The following PCDHGA1 variants were observed in gnomAD, a reference collection of about 807,000 sequenced individuals.
The protein encoded by PCDHGA1 is protocadherin gamma-A1.
A neutral mutation model predicts 58.0 loss-of-function variants in PCDHGA1; 32 were observed. The observed-to-expected ratio is 0.55, with a 90% CI of 0.42 to 0.74. PCDHGA1 has a LOEUF of 0.74. Ranked by LOEUF, PCDHGA1 falls within the 30% of genes least tolerant of loss-of-function variation. PCDHGA1 has a pLI of 0.00. For missense variants in PCDHGA1, 1,205 were observed against 1,182.3 expected (o/e 1.02, Z -0.28); for synonymous variants, 498 against 501.1 (o/e 0.99, Z 0.08).
intron 1 of PCDHGA1, among the ~76,000 whole-genome samples, chr5:141,445,132 G>T (rs921068835): frequency 2.6e-5 from 4 of 152,026 alleles, no homozygotes; most frequent in Non-Finnish European, 5.9e-5. Flanking sequence ...TTTTAAAATT[G>T]TATCTTCTAA....
chr5:141,408,332 G>A, intron 1 of PCDHGA1: 1 of 1,613,912 alleles, frequency 6.2e-7, no homozygotes, highest in South Asian at 1.1e-5. Context: ...GCTGGCCAAG[G>A]GCTCGGTGGT....
chr5:141,415,301 T>C, intron 1 of PCDHGA1: 1 of 1,614,230 alleles, frequency 6.2e-7, no homozygotes, highest in South Asian at 1.1e-5. Context: ...TGCGTCTTCC[T>C]GGCCTTCGTC....
intron 1 of PCDHGA1, among the ~76,000 whole-genome samples, chr5:141,444,029 A>T (rs977610555): frequency 2.6e-5 from 4 of 152,164 alleles, no homozygotes; most frequent in African/African-American, 9.7e-5. Flanking sequence ...AAAGGAATTC[A>T]GTAAATCAGA....
At chr5:141,433,097 G>A (rs777101945) in intron 1 of PCDHGA1, 11 of 1,614,044 alleles carry the variant, frequency 6.8e-6, no homozygotes, top group Admixed American at 3.3e-5. Flanking sequence ...AGACATGCTC[G>A]TCAGCCAGGA....
intron 1 of PCDHGA1, among the ~76,000 whole-genome samples, chr5:141,437,886 C>T (rs763669578): frequency 1.1e-4 from 17 of 152,140 alleles, no homozygotes; most frequent in Non-Finnish European, 1.5e-4. Context: ...TACAGGCACA[C>T]GCCACCACAC....
In PCDHGA1 at chr5:141,501,310, C is replaced by T. The variant is rs958976594; in HGVS notation, c.2481-4083C>T. ...CCTTATACACACACACACACACACA[C>T]ACACACACACACACACACACACACC... On this transcript the variant is annotated intron_variant, in intron 2 of 3. Transcript: ENST00000517417. Among the ~76,000 whole-genome samples, 4 of 151,684 alleles carry T rather than the reference C, an allele frequency of 2.6e-5. No individual in the cohort carries two copies. The South Asian group carries it at 8.3e-4, about 32-fold the overall frequency.
intron 1 of PCDHGA1, chr5:141,398,327 G>C (rs1348307728): frequency 7.4e-7 from 1 of 1,353,452 alleles, no homozygotes; most frequent in Non-Finnish European, 1.0e-6. Flanking sequence ...CGAAAACTGC[G>C]CGTCAGTTCG....
chr5:141,427,810 G>A (rs2097074260), intron 1 of PCDHGA1: 1 of 1,523,990 alleles, frequency 6.6e-7, no homozygotes, highest in Non-Finnish European at 9.0e-7. Flanking sequence ...AGCGCACAGA[G>A]CGGGGTGGTG....
At position 141,362,384 on chromosome 5, in the gene PCDHGA1, A is replaced by G. The variant is rs1333592752; in HGVS notation, c.2421+29279A>G. The G allele has an allele frequency of 1.9e-6, 3 of 1,614,042 alleles. No homozygotes were observed. The highest frequency in any genetic ancestry group is 2.5e-6 in the Non-Finnish European group (3 of 1,179,894). On this transcript the variant is annotated intron_variant, in intron 1 of 3. Coordinates refer to ENST00000517417, the MANE Select transcript of PCDHGA1 (RefSeq NM_018912.3). ...AATTACAGTGAGGGTACATTGCCCTATTCCTACAACCTGTGTGTTGCCTCA... is the reference window on the plus strand; with the variant it reads ...AATTACAGTGAGGGTACATTGCCCTGTTCCTACAACCTGTGTGTTGCCTCA...
At chr5:141,344,572 T>C (rs752736828) in intron 1 of PCDHGA1, 3 of 1,613,910 alleles carry the variant, frequency 1.9e-6, no homozygotes, top group African/African-American at 2.7e-5. Flanking sequence ...TACTTCTCTC[T>C]GGCTGTGAAT....
rs368311567 is a variant in PCDHGA1 at position 141,341,366 on chromosome 5, G to T, written c.2421+8261G>T. 67 of 1,614,216 alleles carry T rather than the reference G, an allele frequency of 4.2e-5. No homozygotes were observed. In the African/African-American group the frequency reaches 8.3e-4, roughly 20 times the overall value. ...TTTATCAGCGCCTCAATCTCTACTC[G>T]AAGAAGAAAGAGAAGAAACGTTTTC... On this transcript the variant is annotated intron_variant, in intron 1 of 3. Coordinates refer to ENST00000517417, the MANE Select transcript of PCDHGA1 (RefSeq NM_018912.3).
At chr5:141,405,505 C>A in intron 1 of PCDHGA1, 2 of 751,126 alleles carry the variant, frequency 2.7e-6, no homozygotes, top group Non-Finnish European at 4.2e-6. Context: ...TTGCAACCTC[C>A]GCCTCCCAAA....
At chr5:141,419,556 C>A (rs202164819) in intron 1 of PCDHGA1, 227 of 1,611,892 alleles carry the variant, frequency 1.4e-4, no homozygotes, top group Non-Finnish European at 8.6e-5. Context: ...CTGTACCCTG[C>A]GCTGGGTCCC....
At chr5:141,382,930 A>G (rs1292069137) in intron 1 of PCDHGA1, 9 of 1,583,428 alleles carry the variant, frequency 5.7e-6, no homozygotes, top group East Asian at 4.5e-5. Context: ...CGGGGACTAC[A>G]GAGGATTCTT....
chr5:141,443,251 C>T (rs200319609), intron 1 of PCDHGA1, among the ~76,000 whole-genome samples: 7 of 150,782 alleles, frequency 4.6e-5, no homozygotes, highest in East Asian at 3.9e-4. Flanking sequence ...GGCGCCAAGG[C>T]GGGTGGATCA....
At chr5:141,430,567 A>G in intron 1 of PCDHGA1, 1 of 434,308 alleles carries the variant, frequency 2.3e-6, no homozygotes, top group Non-Finnish European at 3.9e-6. Context: ...GGGGAGAGAA[A>G]AGCGGAGATC....
rs1245735294 is a variant in PCDHGA1, at chr5:141,397,953, C to T, written c.2421+64848C>T. 6.2e-6 allele frequency: 6 copies of T among 961,992 alleles called. No homozygotes were observed. In the Admixed American group the frequency reaches 1.2e-4, roughly 19 times the overall value. The allele number at this position is 961,992 out of a possible 1,614,324, so 59.6% of individuals were successfully genotyped here. ...CCGCAGCGCGCTTTCCAGGGCAGCC[C>T]CAGCTCAGACTCCCCAGCGCCGGCC... On this transcript the variant is annotated intron_variant, in intron 1 of 3. Transcript: ENST00000517417.
At chr5:141,428,020 C>A (rs1443722620) in intron 1 of PCDHGA1, 1 of 1,605,408 alleles carries the variant, frequency 6.2e-7, no homozygotes, top group Admixed American at 1.7e-5. Context: ...GTGCCACGCG[C>A]CGCAGAGTCC....
chr5:141,427,606 G>A (rs965315804), intron 1 of PCDHGA1: 2 of 688,192 alleles, frequency 2.9e-6, no homozygotes, highest in African/African-American at 3.5e-5. Flanking sequence ...CTACGCATTG[G>A]TGAAGTCAAC....
Sources: allele counts gnomAD v4.1 joint callset (sites outside exome capture counted in the v4.1 genomes callset), GRCh38; gene constraint gnomAD v4.1.1; transcripts MANE v1.5; gene names NCBI Gene and HGNC (gene_info 2026-07-23, HGNC 2026-07-21).